The following MAML1 variants were observed in gnomAD, a reference collection of about 807,000 sequenced individuals.
MAML1 encodes mastermind-like protein 1.
In MAML1, 14 loss-of-function variants were observed where a neutral mutation model predicts 77.1. That is an observed-to-expected ratio of 0.18 (90% CI 0.12 to 0.28). The LOEUF is 0.28. MAML1 is among the 10% of genes least tolerant of loss of function. The pLI is 1.00. For synonymous variants in MAML1, 516 were observed against 551.9 expected (o/e 0.93, Z 0.91); for missense variants, 1,217 against 1,327.8 (o/e 0.92, Z 1.30).
intron 1 of MAML1, among the ~76,000 whole-genome samples, chr5:179,751,243 G>C (rs531106216): frequency 1.3e-5 from 2 of 152,234 alleles, no homozygotes; most frequent in Admixed American, 1.3e-4. Context: ...AAAGTGCTGG[G>C]ATTACAGGCG....
intron 1 of MAML1, among the ~76,000 whole-genome samples, chr5:179,757,577 A>G (rs1562563824): frequency 2.0e-5 from 3 of 152,076 alleles, no homozygotes; most frequent in African/African-American, 4.8e-5. Context: ...AAAAAAAAAA[A>G]GAAGTATAGC....
rs968561753 is a variant in MAML1, at chr5:179,741,874, A to G, written c.315+8447A>G. Among the ~76,000 whole-genome samples, 4 of 151,788 alleles carry G rather than the reference A, an allele frequency of 2.6e-5. No homozygotes were observed. In the South Asian group the frequency reaches 8.3e-4, roughly 32 times the overall value. On this transcript the variant is annotated intron_variant, in intron 1 of 4. Transcript: ENST00000292599. ...AGCATCTGCACATATTGGCTAAACAAATGTATTTTATTTTTTAAATTTGTT... is the reference window on the plus strand; with the variant it reads ...AGCATCTGCACATATTGGCTAAACAGATGTATTTTATTTTTTAAATTTGTT...
intron 1 of MAML1, among the ~76,000 whole-genome samples, chr5:179,756,135 G>A (rs1316266526): frequency 6.6e-6 from 1 of 151,606 alleles, no homozygotes; most frequent in Admixed American, 6.6e-5. Context: ...TAAAACATTA[G>A]TAGGAGGTGG....
intron 1 of MAML1, among the ~76,000 whole-genome samples, chr5:179,737,996 C>T (rs1051597505): frequency 6.6e-6 from 1 of 152,066 alleles, no homozygotes; most frequent in Non-Finnish European, 1.5e-5. Context: ...TGGGTGTGAG[C>T]CACCTTGCCT....
chr5:179,773,999 C>T lies in MAML1; in HGVS notation c.2173C>T (p.His725Tyr). The T allele has an allele frequency of 6.2e-7, 1 of 1,614,236 alleles. No homozygotes were observed. Among genetic ancestry groups the T allele is most frequent in the Non-Finnish European group, 8.5e-7 (1 of 1,180,054 alleles). The change falls in exon 5 of 5, where the codon CAT becomes TAT. Residue 725 changes from histidine (H) to tyrosine (Y), a missense_variant. His to Tyr is a moderately conservative substitution (Grantham distance 83). Around this residue, in one of 3 missense-constraint regions of MAML1, gnomAD observed 884 missense variants for 949.3 expected, o/e 0.93. Transcript: ENST00000292599. ...AGNLMPMGPG[H>Y]ASVSSLPTNS... The stretch of plus-strand genomic sequence containing the variant: ...GAATCTGATGCCAATGGGCCCTGGA[C>T]ATGCTTCAGTTTCCTCTCTCCCCAC...
At chr5:179,751,037 G>A (rs1005946924) in intron 1 of MAML1, among the ~76,000 whole-genome samples, 2 of 152,132 alleles carry the variant, frequency 1.3e-5, no homozygotes, top group Non-Finnish European at 2.9e-5. Context: ...GCAGTGGCAC[G>A]ATCTTGGCTC....
intron 1 of MAML1, among the ~76,000 whole-genome samples, chr5:179,737,418 C>T (rs1479891470): frequency 1.3e-5 from 2 of 152,038 alleles, no homozygotes; most frequent in Non-Finnish European, 2.9e-5. Flanking sequence ...TGAGTATGTA[C>T]GATTTTGGCT....
In MAML1 at chr5:179,775,284, A is replaced by T. The variant is rs143963698; in HGVS notation, c.*407A>T. On this transcript the variant is annotated 3_prime_UTR_variant, in exon 5 of 5. Transcript: ENST00000292599. Reference sequence around the variant, plus strand: ...GTGCTGGGGACAAGTTTCTGTTGAAACTTTAGATAGCAGAATTATTTGCAA... The same window carrying T: ...GTGCTGGGGACAAGTTTCTGTTGAATCTTTAGATAGCAGAATTATTTGCAA... 1.3e-3 allele frequency: 1,319 copies of T among 997,322 alleles called. 12 individuals carry two copies. The African/African-American group carries it at 0.021, about 16-fold the overall frequency. 61.8% of individuals were successfully genotyped at this position (997,322 alleles called of 1,614,324 possible). A position where few individuals can be genotyped will look rare whatever the true frequency, so the allele number is the denominator to read the frequency against.
intron 4 of MAML1, among the ~76,000 whole-genome samples, chr5:179,773,533 G>A (rs138166993): frequency 6.6e-6 from 1 of 152,332 alleles, no homozygotes; most frequent in African/African-American, 2.4e-5. Flanking sequence ...GCGCCCCATC[G>A]TGCCATGTGC....
chr5:179,765,996 C>A lies in MAML1; in HGVS notation c.986C>A (p.Pro329His). The A allele has an allele frequency of 6.2e-7, 1 of 1,608,926 alleles. No homozygotes were observed. Among genetic ancestry groups the A allele is most frequent in the Non-Finnish European group, 8.5e-7 (1 of 1,178,036 alleles). ...TCTGCAGGGCAGACCTTTCTGGGGC[C>A]TTCCTCTGCCCCTGTGAGTACAGAT... ...AGSAGQTFLG[P>H]SSAPVSTDSP... Residue 329 changes from proline (P) to histidine (H), a missense_variant, in exon 2 of 5, where the codon CCT becomes CAT. Physicochemically the swap from Pro to His is moderately conservative, Grantham distance 77. Coordinates refer to ENST00000292599, the MANE Select transcript of MAML1 (RefSeq NM_014757.5).
intron 1 of MAML1, among the ~76,000 whole-genome samples, chr5:179,749,711 C>T (rs116224310): frequency 0.015 from 2,268 of 152,292 alleles, 64 homozygotes; most frequent in African/African-American, 0.05. Flanking sequence ...CTGGGAGGCC[C>T]ACAGAGGATG....
At chr5:179,733,664 A>G (rs766149960) in intron 1 of MAML1, among the ~76,000 whole-genome samples, 1 of 152,214 alleles carries the variant, frequency 6.6e-6, no homozygotes, top group Non-Finnish European at 1.5e-5. Context: ...CCGACCTGGG[A>G]AGGCTGGCGA....
chr5:179,772,406 C>T (rs754513218), intron 4 of MAML1, among the ~76,000 whole-genome samples: 22 of 152,232 alleles, frequency 1.4e-4, no homozygotes, highest in African/African-American at 4.3e-4. Flanking sequence ...TGTGAGCTAC[C>T]GTGCCCGGCC....
At chr5:179,753,216 TGTGTGTGCGCGC>T (rs1270252579) in intron 1 of MAML1, among the ~76,000 whole-genome samples, 4 of 79,724 alleles carry the variant, frequency 5.0e-5, no homozygotes, top group South Asian at 1.3e-3. Flanking sequence ...TGTGTGTGTG[TGTGTGTGCGCGC>T]GCGCGCGCGC....
At chr5:179,750,826 A>T (rs1015589017) in intron 1 of MAML1, among the ~76,000 whole-genome samples, 4 of 152,162 alleles carry the variant, frequency 2.6e-5, no homozygotes, top group Non-Finnish European at 2.9e-5. Context: ...GTGGGCAAGG[A>T]TGACGATTCC....
Position 179,775,402 on chromosome 5 carries a change from G to C in MAML1, c.*525G>C. 1 of 985,440 alleles carries C rather than the reference G, an allele frequency of 1.0e-6. No individual in the cohort carries two copies. The highest frequency in any genetic ancestry group is 1.2e-6 in the Non-Finnish European group (1 of 829,910). 61.0% of individuals were successfully genotyped at this position (985,440 alleles called of 1,614,324 possible). Reference sequence around the variant, plus strand: ...GGTTTAAATCAATTAAGTGGCATTGGAAACCTAGGGTTTCCTTTTGATTAA... The same window carrying C: ...GGTTTAAATCAATTAAGTGGCATTGCAAACCTAGGGTTTCCTTTTGATTAA... On this transcript the variant is annotated 3_prime_UTR_variant, in exon 5 of 5. Transcript: ENST00000292599.
rs1756149250 is a variant in MAML1 at position 179,777,040 on chromosome 5, G to C, written c.*2163G>C. On this transcript the variant is annotated 3_prime_UTR_variant, in exon 5 of 5. Coordinates refer to ENST00000292599, the MANE Select transcript of MAML1 (RefSeq NM_014757.5). ...GGAATAAGCGCTAGAGCTTCCAACT[G>C]TATATTTTTTACTTTTATAGATTTT... 1.0e-6 allele frequency: 1 copy of C among 983,236 alleles called. No homozygotes were observed. Among genetic ancestry groups the C allele is most frequent in the South Asian group, 4.7e-5 (1 of 21,250 alleles). 60.9% of individuals were successfully genotyped at this position (983,236 alleles called of 1,614,324 possible).
intron 1 of MAML1, among the ~76,000 whole-genome samples, chr5:179,734,977 C>G (rs1779137839): frequency 6.6e-6 from 1 of 152,130 alleles, no homozygotes; most frequent in African/African-American, 2.4e-5. Context: ...CACCGTGCCG[C>G]CCCCAGGATT....
In MAML1 at chr5:179,766,776, G is replaced by A; in HGVS notation, c.1731+35G>A. ...AGCCTTTGCTTTCTGTTCCTCTGCT[G>A]CAGACACTTCAGTGAGGTTACTCAC... On this transcript the variant is annotated intron_variant, in intron 2 of 4. Coordinates refer to ENST00000292599, the MANE Select transcript of MAML1 (RefSeq NM_014757.5). The surrounding 1 kb of genome is among the most constrained non-coding windows in gnomAD (Gnocchi z 4.0). 1 of 1,483,512 alleles carries A rather than the reference G, an allele frequency of 6.7e-7. No homozygotes were observed. The highest frequency in any genetic ancestry group is 2.4e-5 in the Admixed American group (1 of 42,290). 91.9% of individuals were successfully genotyped at this position (1,483,512 alleles called of 1,614,324 possible).
Sources: gnomAD v4.1 joint callset for allele counts (sites outside exome capture counted in the v4.1 genomes callset) on GRCh38, gnomAD v4.1.1 for gene constraint, gnomAD v4.1.1 regional missense constraint, Gnocchi (gnomAD v3.1) non-coding constraint, MANE v1.5 for transcripts, NCBI Gene and HGNC (gene_info 2026-07-23, HGNC 2026-07-21) for gene names.